The following HSD17B13 variants were observed in gnomAD, a reference collection of about 807,000 sequenced individuals.
HSD17B13 encodes the protein 17-beta-hydroxysteroid dehydrogenase 13.
Under a neutral mutation model 31.1 loss-of-function variants are expected in HSD17B13, and 26 were observed. That is an observed-to-expected ratio of 0.84 (90% CI 0.61 to 1.16). The LOEUF (loss-of-function observed/expected upper bound fraction) is 1.16, where lower values mean the gene tolerates loss of function less well. HSD17B13 is among the 50% of genes most tolerant of loss of function. The pLI is 0.00. For missense variants in HSD17B13, 374 were observed against 366.5 expected (o/e 1.02, Z -0.17); for synonymous variants, 141 against 133.7 (o/e 1.05, Z -0.38).
At chr4:87,321,037 T>A (rs1257859040) in intron 1 of HSD17B13, among the ~76,000 whole-genome samples, 1 of 152,206 alleles carries the variant, frequency 6.6e-6, no homozygotes, top group African/African-American at 2.4e-5. Flanking sequence ...AAGTCTTTTT[T>A]TATTTTTTTT....
At chr4:87,306,302 T>G (rs1734386997) in intron 6 of HSD17B13, among the ~76,000 whole-genome samples, 2 of 152,212 alleles carry the variant, frequency 1.3e-5, no homozygotes, top group Non-Finnish European at 2.9e-5. Context: ...ATCTTGATGC[T>G]AAAAGCTCAC....
At chr4:87,305,487 T>G (rs1389242331) in intron 6 of HSD17B13, among the ~76,000 whole-genome samples, 179 bp from the exon 7 acceptor site, 1 of 152,000 alleles carries the variant, frequency 6.6e-6, no homozygotes, top group Non-Finnish European at 1.5e-5. Flanking sequence ...TTTTTCTTTT[T>G]TTTTTTTGAC....
chr4:87,313,371 T>G (rs984213286), intron 5 of HSD17B13, among the ~76,000 whole-genome samples: 2 of 152,242 alleles, frequency 1.3e-5, no homozygotes, highest in Non-Finnish European at 2.9e-5. Context: ...GTTAAGCAGA[T>G]GGCTTAATTT....
chr4:87,322,820 G>C lies in HSD17B13; in HGVS notation c.22C>G (p.Leu8Val). 1 of 1,614,062 alleles carries C rather than the reference G, an allele frequency of 6.2e-7. No individual in the cohort carries two copies. Among genetic ancestry groups the C allele is most frequent in the Non-Finnish European group, 8.5e-7 (1 of 1,179,954 alleles). Residue 8 changes from leucine to valine, a missense_variant, in exon 1 of 7, where the codon CTT (leucine) becomes GTT (valine). Transcript: ENST00000328546. ...TAGATGATGGTGATCAGAAGCAGAA[G>C]GATTTCTAGGATGATGTTCATGGCT... MNIILEI[L>V]LLLITIIYSY...
chr4:87,322,583 T>G (rs1438361759), intron 1 of HSD17B13, 49 bp downstream of exon 1: 1 of 1,330,854 alleles, frequency 7.5e-7, no homozygotes, highest in Non-Finnish European at 1.1e-6. Flanking sequence ...ATTCTTAAAA[T>G]ACATATCTTA....
intron 1 of HSD17B13, 150 bp downstream of exon 1, chr4:87,322,482 T>C: frequency 1.6e-6 from 1 of 631,092 alleles, no homozygotes; most frequent in Non-Finnish European, 2.8e-6. Context: ...TTCATCTAAC[T>C]AACCTGACAC....
At position 87,318,444 on chromosome 4, in the gene HSD17B13, T is replaced by C. The variant is rs745812047; in HGVS notation, c.211-8A>G. The stretch of plus-strand genomic sequence containing the variant: ...AGTTTCCTCCACACCGCGCTGTAAT[T>C]AGGAAGAAACAAATTCCGAAAAAAG... On this transcript the variant is annotated splice_region_variant and splice_polypyrimidine_tract_variant and intron_variant, in intron 1 of 6. Coordinates refer to ENST00000328546, the MANE Select transcript of HSD17B13 (RefSeq NM_178135.5). The C allele has an allele frequency of 6.2e-7, 1 of 1,612,372 alleles. No homozygotes were observed. The highest frequency in any genetic ancestry group is 1.3e-5 in the African/African-American group (1 of 74,856).
chr4:87,314,641 T>TCTCTCTCTCACACACACACA (rs373166006), intron 4 of HSD17B13, among the ~76,000 whole-genome samples: 1 of 142,140 alleles, frequency 7.0e-6, no homozygotes, highest in African/African-American at 2.5e-5. Context: ...TCTCTCTCTC[T>TCTCTCTCTCACACACACACA]CACACACACA....
chr4:87,312,751 T>TTTAA (rs1734562628), intron 5 of HSD17B13, among the ~76,000 whole-genome samples: 2 of 151,760 alleles, frequency 1.3e-5, no homozygotes. Context: ...CAGGATGACC[T>TTTAA]TTAATTCTTT....
chr4:87,305,273 C>A lies in HSD17B13; in HGVS notation c.848G>T (p.Arg283Leu), dbSNP rs370831035. 6 of 1,606,928 alleles carry A rather than the reference C, an allele frequency of 3.7e-6. 1 individual carries two copies. The highest frequency in any genetic ancestry group is 3.3e-5 in the South Asian group (3 of 89,590). Residue 283 changes from arginine to leucine, a missense_variant, in exon 7 of 7, where the codon CGT becomes CTT. Transcript: ENST00000328546. ...TGCTTCAAATTGAATATTCTGCATACGATTTAAAATCGCTGAGGCGCGTTC... is the reference window on the plus strand; with the variant it reads ...TGCTTCAAATTGAATATTCTGCATAAGATTTAAAATCGCTGAGGCGCGTTC... ...LPERASAILN[R>L]MQNIQFEAVV... is the part of the protein sequence containing the mutation.
Position 87,318,373 on chromosome 4 carries a change from C to T in HSD17B13, c.274G>A (p.Val92Ile). The T allele has an allele frequency of 6.2e-7, 1 of 1,614,154 alleles. No homozygotes were observed. Among genetic ancestry groups the T allele is most frequent in the East Asian group, 2.2e-5 (1 of 44,892 alleles). ...KLGVTAHAYVVDCSNREEIYR... is the reference protein window; with the variant it reads ...KLGVTAHAYVIDCSNREEIYR... ...ATCTCTTCTCTGTTGCTGCAGTCTACCACATACGCATGCGCAGTGACGCCT... is the reference window on the plus strand; with the variant it reads ...ATCTCTTCTCTGTTGCTGCAGTCTATCACATACGCATGCGCAGTGACGCCT... Residue 92 changes from valine (V) to isoleucine (I), a missense_variant, in exon 2 of 7, where the codon GTA becomes ATA. Physicochemically the swap from Val to Ile is conservative, Grantham distance 29 (BLOSUM62 3). Transcript: ENST00000328546.
chr4:87,322,718 T>C lies in HSD17B13; in HGVS notation c.124A>G (p.Thr42Ala). Residue 42 changes from threonine (T) to alanine (A), a missense_variant, in exon 1 of 7, where the codon ACT (threonine) becomes GCT (alanine). By Grantham distance (58) the Thr-to-Ala change is moderately conservative. Coordinates refer to ENST00000328546, the MANE Select transcript of HSD17B13 (RefSeq NM_178135.5). ...CTGCCTATTCCATGCCCAGCTCCAGTAATGAGAACAATCTCCCCAGCCACA... is the reference window on the plus strand; with the variant it reads ...CTGCCTATTCCATGCCCAGCTCCAGCAATGAGAACAATCTCCCCAGCCACA... Reference protein sequence around the residue: ...KSVAGEIVLITGAGHGIGRQT... With the variant: ...KSVAGEIVLIAGAGHGIGRQT... 9.9e-6 allele frequency: 16 copies of C among 1,614,142 alleles called. No individual in the cohort carries two copies. Among genetic ancestry groups the C allele is most frequent in the Non-Finnish European group, 1.4e-5 (16 of 1,180,008 alleles).
rs527611724 is a variant in HSD17B13 at position 87,317,702 on chromosome 4, C to A, written c.319-479G>T. 1.1e-4 allele frequency among the ~76,000 whole-genome samples: 16 copies of A among 150,550 alleles called. No homozygotes were observed. The East Asian group carries it at 2.6e-3, about 24-fold the overall frequency. ...GGGATTACATGTGTGAACCACCGCA[C>A]CTGGTCTAAAGTGCTGGTTGAGAAA... is the stretch of plus-strand genomic sequence containing the variant. On this transcript the variant is annotated intron_variant, in intron 2 of 6. Transcript: ENST00000328546.
chr4:87,315,495 A>G lies in HSD17B13; in HGVS notation c.555T>C (p.Tyr185=). Residue 185 remains tyrosine, a splice_region_variant and synonymous_variant, in exon 4 of 7, where the codon TAT becomes TAC. Coordinates refer to ENST00000328546, the MANE Select transcript of HSD17B13 (RefSeq NM_178135.5). ...GHEGIPYLIP[Y]CSSKFAAVGF... The stretch of plus-strand genomic sequence containing the variant: ...CATGGCTGGCATGTGATACTTACCA[A>G]TATGGGATGAGGTAAGGAATCCCTT... The G allele has an allele frequency of 6.3e-7, 1 of 1,575,424 alleles. No homozygotes were observed. Among genetic ancestry groups the G allele is most frequent in the South Asian group, 1.1e-5 (1 of 89,654 alleles).
intron 6 of HSD17B13, 64 bp from the exon 7 acceptor site, chr4:87,305,372 G>T (rs2110095805): frequency 9.1e-7 from 1 of 1,102,322 alleles, no homozygotes; most frequent in Non-Finnish European, 1.3e-6. Context: ...ACAGAGTTCT[G>T]TTTTTGGTCA....
chr4:87,314,609 A>G (rs1192586436), intron 4 of HSD17B13, among the ~76,000 whole-genome samples: 1 of 151,178 alleles, frequency 6.6e-6, no homozygotes, highest in Non-Finnish European at 1.5e-5. Flanking sequence ...ACTTTTAGTC[A>G]GGTAGAGTCG....
At chr4:87,318,169 C>G (rs754221154) in intron 2 of HSD17B13, among the ~76,000 whole-genome samples, 160 bp downstream of exon 2, 37 of 152,006 alleles carry the variant, frequency 2.4e-4, no homozygotes, top group Admixed American at 3.3e-4. Flanking sequence ...GGATTACATA[C>G]AAGAAAAAAA....
intron 3 of HSD17B13, among the ~76,000 whole-genome samples, chr4:87,316,733 CA>C (rs1560749722): frequency 6.6e-6 from 1 of 152,142 alleles, no homozygotes; most frequent in African/African-American, 2.4e-5. Context: ...ATTACAAAAT[CA>C]TGGTGTGGAG....
At position 87,315,539 on chromosome 4, in the gene HSD17B13, C is replaced by G. The variant is rs1024709869; in HGVS notation, c.511G>C (p.Ala171Pro). 7 of 1,611,798 alleles carry G rather than the reference C, an allele frequency of 4.3e-6. No homozygotes were observed. The Admixed American group carries it at 6.7e-5, about 15-fold the overall frequency. The change falls in exon 4 of 7, where the codon GCT becomes CCT. Residue 171 changes from alanine (A) to proline (P), a missense_variant. Coordinates refer to ENST00000328546, the MANE Select transcript of HSD17B13 (RefSeq NM_178135.5). ...ATCCCTTCGTGGCCGCACACTGAAG[C>G]CACTGTGACGATGTGGCCATGATTT... ...ERNHGHIVTV[A>P]SVCGHEGIPY...
Sources: gnomAD v4.1 joint callset for allele counts (sites outside exome capture counted in the v4.1 genomes callset) on GRCh38, gnomAD v4.1.1 for gene constraint, MANE v1.5 for transcripts, NCBI Gene and HGNC (gene_info 2026-07-23, HGNC 2026-07-21) for gene names.